TENM4: variants seen among roughly 807,000 people sequenced by gnomAD.
The protein encoded by TENM4 is teneurin-4.
Under a neutral mutation model 243.3 loss-of-function variants are expected in TENM4, and 82 were observed. The observed-to-expected ratio is 0.34, with a 90% confidence interval of 0.28 to 0.40. TENM4 has a LOEUF of 0.40. Ranked by LOEUF, TENM4 falls within the 10% of genes least tolerant of loss-of-function variation. TENM4 has a pLI of 1.00. For missense variants in TENM4, 3,138 were observed against 3,673.3 expected, an observed-to-expected ratio of 0.85 and a Z score of 3.77; for synonymous variants, 1,412 against 1,456.3, an observed-to-expected ratio of 0.97 and a Z score of 0.69.
intron 1 of TENM4, among the ~76,000 whole-genome samples, chr11:79,356,896 A>G (rs1047617909): frequency 1.3e-5 from 2 of 152,210 alleles, no homozygotes; most frequent in African/African-American, 4.8e-5. Flanking sequence ...TGAATATTAT[A>G]ATATGAGAGA....
intron 3 of TENM4, among the ~76,000 whole-genome samples, chr11:79,196,949 T>G (rs1863640536): frequency 6.6e-6 from 1 of 152,278 alleles, no homozygotes; most frequent in South Asian, 2.1e-4. Context: ...GGCTTATGGA[T>G]GCGTGTTCAG....
chr11:79,208,519 GT>G (rs1311612586), intron 3 of TENM4, among the ~76,000 whole-genome samples: 1 of 152,194 alleles, frequency 6.6e-6, no homozygotes, highest in African/African-American at 2.4e-5. Context: ...AGTTCTTGAT[GT>G]TGTTCTTGTG....
At chr11:78,737,972 C>A (rs568975259) in intron 20 of TENM4, among the ~76,000 whole-genome samples, 5 of 152,306 alleles carry the variant, frequency 3.3e-5, no homozygotes, top group Admixed American at 6.5e-5. Context: ...CTAGGACACA[C>A]AGCAGGTGGG....
intron 1 of TENM4, among the ~76,000 whole-genome samples, chr11:79,405,260 T>G (rs912453053): frequency 6.6e-6 from 1 of 152,154 alleles, no homozygotes; most frequent in Admixed American, 6.5e-5. Context: ...GTGTCTCTCA[T>G]GCATCATCTC....
rs545810792 is a variant in TENM4 at position 79,014,330 on chromosome 11, C to A, written c.493+50408G>T. ...CACCTCCCTGGTGATAGAGAGGAAGCCTCTTTCTTAATGCTAATGCTGGCA... is the reference window on the plus strand; with the variant it reads ...CACCTCCCTGGTGATAGAGAGGAAGACTCTTTCTTAATGCTAATGCTGGCA... On this transcript the variant is annotated intron_variant, in intron 6 of 33. Coordinates refer to ENST00000278550, the MANE Select transcript of TENM4 (RefSeq NM_001098816.3). Among the ~76,000 whole-genome samples, 33 of 152,328 alleles carry A rather than the reference C, an allele frequency of 2.2e-4. No homozygotes were observed. In the South Asian group the frequency reaches 6.2e-3, roughly 29 times the overall value.
Position 78,899,565 on chromosome 11 carries a change from G to GGC in TENM4, c.749+3702_749+3703insGC, listed in dbSNP as rs1555098941. 2.4e-4 allele frequency among the ~76,000 whole-genome samples: 32 copies of GGC among 134,058 alleles called. 2 individuals are homozygous for GGC. The highest frequency in any genetic ancestry group is 4.2e-4 in the Non-Finnish European group (26 of 61,866). 87.9% of individuals were successfully genotyped at this position (134,058 alleles called of 152,430 possible). A position where few individuals can be genotyped will look rare whatever the true frequency, so the allele number is the denominator to read the frequency against. Reference sequence around the variant, plus strand: ...TGCACTCTGTCTCAAAAAGCGGGGGGGGGGGGAAAAAGAAAAAAGAAAGAA... The same window carrying GGC: ...TGCACTCTGTCTCAAAAAGCGGGGGGGCGGGGGGAAAAAGAAAAAAGAAAGAA... On this transcript the variant is annotated intron_variant, in intron 7 of 33. Coordinates refer to ENST00000278550, the MANE Select transcript of TENM4 (RefSeq NM_001098816.3).
chr11:79,111,651 C>T (rs922280945), intron 4 of TENM4, among the ~76,000 whole-genome samples: 1 of 152,176 alleles, frequency 6.6e-6, no homozygotes, highest in Non-Finnish European at 1.5e-5. Context: ...TGAAAACAAA[C>T]TGATATACTC....
At chr11:78,748,055 A>G (rs1856091311) in intron 19 of TENM4, among the ~76,000 whole-genome samples, 1 of 152,154 alleles carries the variant, frequency 6.6e-6, no homozygotes, top group African/African-American at 2.4e-5. Context: ...AGGTGCTAGG[A>G]CATTTGCCCC....
At chr11:79,334,980 A>G (rs888029193) in intron 1 of TENM4, among the ~76,000 whole-genome samples, 15 of 152,302 alleles carry the variant, frequency 9.8e-5, no homozygotes, top group African/African-American at 3.6e-4. Context: ...TTCTTTCGCC[A>G]CCTTCAAAAC....
intron 6 of TENM4, among the ~76,000 whole-genome samples, chr11:78,969,688 A>C (rs1276865408): frequency 6.6e-6 from 1 of 152,230 alleles, no homozygotes; most frequent in Non-Finnish European, 1.5e-5. Context: ...TACACAATGG[A>C]AAAGTGTGAG....
chr11:79,017,423 T>C lies in TENM4; in HGVS notation c.493+47315A>G, dbSNP rs74536255. ...CTGGATACCAGGAAGCAAGTTCTGA[T>C]GCAGGGCACAGAAGACCTGTTTAGT... On this transcript the variant is annotated intron_variant, in intron 6 of 33. Coordinates refer to ENST00000278550, the MANE Select transcript of TENM4 (RefSeq NM_001098816.3). 8.8e-3 allele frequency among the ~76,000 whole-genome samples: 1,334 copies of C among 152,258 alleles called. 22 individuals are homozygous for C. The highest frequency in any genetic ancestry group is 0.031 in the African/African-American group (1,269 of 41,548).
rs372941205 is a variant in TENM4, at chr11:79,174,322, C to T, written c.-162-25516G>A. Among the ~76,000 whole-genome samples, 199 of 152,132 alleles carry T rather than the reference C, an allele frequency of 1.3e-3. 2 individuals are homozygous for T. In the South Asian group the frequency reaches 0.039, roughly 30 times the overall value. On this transcript the variant is annotated intron_variant, in intron 3 of 33. Transcript: ENST00000278550. ...GGGAGAGATGTACTGACTCATACCT[C>T]CCTATGTCTCAGATACCCCTACAGC...
At chr11:78,764,458 T>C (rs865957405) in intron 18 of TENM4, among the ~76,000 whole-genome samples, 1 of 152,270 alleles carries the variant, frequency 6.6e-6, no homozygotes, top group Non-Finnish European at 1.5e-5. Context: ...TATTTCTGTA[T>C]CTCAAATGCA....
intron 1 of TENM4, among the ~76,000 whole-genome samples, chr11:79,430,249 G>C (rs1859139307): frequency 6.6e-6 from 1 of 151,990 alleles, no homozygotes; most frequent in East Asian, 1.9e-4. Flanking sequence ...TTCCTTGAGA[G>C]GAACAAGTAG....
intron 1 of TENM4, among the ~76,000 whole-genome samples, chr11:79,387,124 T>C (rs1469459227): frequency 2.0e-5 from 3 of 152,114 alleles, no homozygotes; most frequent in Non-Finnish European, 4.4e-5. Flanking sequence ...ACAAACACAA[T>C]GTTGAGTAAA....
Position 78,672,307 on chromosome 11 carries a change from G to C in TENM4, c.5519C>G (p.Ser1840Cys), listed in dbSNP as rs766019045. Reference sequence around the variant, plus strand: ...GCGTGTTACGCGATCAAAGTCCAGAGATAGGAGATTTCGGTTGTGAACCTG... The same window carrying C: ...GCGTGTTACGCGATCAAAGTCCAGACATAGGAGATTTCGGTTGTGAACCTG... ...RLRVHNRNLL[S>C]LDFDRVTRTE... Residue 1840 changes from serine (S) to cysteine (C), a missense_variant, in exon 31 of 34, where the codon TCT (serine) becomes TGT (cysteine). Transcript: ENST00000278550. The C allele has an allele frequency of 6.2e-7, 1 of 1,609,230 alleles. No homozygotes were observed. The highest frequency in any genetic ancestry group is 1.1e-5 in the South Asian group (1 of 90,986).
intron 4 of TENM4, among the ~76,000 whole-genome samples, chr11:79,075,058 AC>A: frequency 6.6e-6 from 1 of 152,284 alleles, no homozygotes; most frequent in East Asian, 1.9e-4. Context: ...TTCACCCCTT[AC>A]TTTCTGTTGG....
At position 78,805,188 on chromosome 11, in the gene TENM4, G is replaced by A. The variant is rs529680563; in HGVS notation, c.2179+104C>T. 83 of 575,594 alleles carry A rather than the reference G, an allele frequency of 1.4e-4. No homozygotes were observed. In the Admixed American group the frequency reaches 2.5e-3, roughly 18 times the overall value. 35.7% of individuals were successfully genotyped at this position (575,594 alleles called of 1,614,324 possible). On this transcript the variant is annotated intron_variant, in intron 15 of 33. Coordinates refer to ENST00000278550, the MANE Select transcript of TENM4 (RefSeq NM_001098816.3). ...AAAGAGGAAAAGCACTCAGAGGCAC[G>A]GGGAATGCATTGCTACGTGATTGGG... is the stretch of plus-strand genomic sequence containing the variant.
At chr11:79,257,211 G>A (rs1308964570) in intron 2 of TENM4, among the ~76,000 whole-genome samples, 1 of 152,070 alleles carries the variant, frequency 6.6e-6, no homozygotes, top group Non-Finnish European at 1.5e-5. Context: ...ATCAGACTGG[G>A]GCCCAAGGTC....
Sources: gnomAD v4.1 joint callset for allele counts (sites outside exome capture counted in the v4.1 genomes callset) on GRCh38, gnomAD v4.1.1 for gene constraint, MANE v1.5 for transcripts, NCBI Gene and HGNC (gene_info 2026-07-23, HGNC 2026-07-21) for gene names.